The following HDAC7 variants were observed in gnomAD, a reference collection of about 807,000 sequenced individuals.
HDAC7 encodes histone deacetylase 7A.
In HDAC7, 26 loss-of-function variants were observed where a neutral mutation model predicts 115.5. The observed-to-expected ratio is 0.23, with a 90% CI of 0.16 to 0.31. The LOEUF (loss-of-function observed/expected upper bound fraction) is 0.31. Among genes scored for constraint, HDAC7 ranks in the 10% least tolerant of loss-of-function variants. HDAC7 has a pLI of 1.00. For synonymous variants in HDAC7, 564 were observed against 550.9 expected (o/e 1.02, Z -0.33); for missense variants, 1,068 against 1,329.0 (o/e 0.80, Z 3.05).
chr12:47,812,585 T>C (rs775425461), intron 1 of HDAC7, among the ~76,000 whole-genome samples: 1 of 152,172 alleles, frequency 6.6e-6, no homozygotes, highest in Non-Finnish European at 1.5e-5. Context: ...TAATCACACT[T>C]GCAGGAGAAA....
chr12:47,789,498 C>T (rs767018105), intron 18 of HDAC7, 25 bp downstream of exon 18: 2 of 1,612,996 alleles, frequency 1.2e-6, no homozygotes, highest in Non-Finnish European at 1.7e-6. Flanking sequence ...CACCTCATCC[C>T]ACCCAGGTCT....
chr12:47,784,339 C>T lies in HDAC7; in HGVS notation c.2792-122G>A, dbSNP rs934203934. 3 of 1,119,286 alleles carry T rather than the reference C, an allele frequency of 2.7e-6. No individual in the cohort carries two copies. In the African/African-American group the frequency reaches 4.7e-5, roughly 18 times the overall value. The allele number at this position is 1,119,286 out of a possible 1,614,324, so 69.3% of individuals were successfully genotyped here. On this transcript the variant is annotated intron_variant, in intron 24 of 25. Coordinates refer to ENST00000080059, the MANE Select transcript of HDAC7 (RefSeq NM_015401.5). ...GCCCCGGAGGAGCGGGCCTGTCCTC[C>T]ACTTAGGGTCGGCTCTCCCACCTGC...
rs1411303956 is a variant in HDAC7, at chr12:47,795,352, G to A, written c.1116C>T (p.His372=). 1 of 1,609,840 alleles carries A rather than the reference G, an allele frequency of 6.2e-7. No homozygotes were observed. Among genetic ancestry groups the A allele is most frequent in the Non-Finnish European group, 8.5e-7 (1 of 1,178,168 alleles). The change falls in exon 11 of 26, where the codon CAC becomes CAT. Residue 372 remains histidine, a synonymous_variant. Coordinates refer to ENST00000080059, the MANE Select transcript of HDAC7 (RefSeq NM_015401.5). The surrounding 1 kb of genome is among the most constrained non-coding windows in gnomAD (Gnocchi z 4.3). ...TVPGLGPLPF[H]FAQSLMTTER... ...CGGTGGTCATTAAGGACTGGGCAAA[G>A]TGGAAGGGCAAGGGCCCAAGCCCGG... is the stretch of plus-strand genomic sequence containing the variant.
chr12:47,808,046 C>G (rs1353415186), intron 1 of HDAC7, among the ~76,000 whole-genome samples: 3 of 152,224 alleles, frequency 2.0e-5, no homozygotes, highest in Admixed American at 6.5e-5. Context: ...GTCTGCCTAC[C>G]CAGACGAAGG....
At position 47,786,718 on chromosome 12, in the gene HDAC7, G is replaced by C; in HGVS notation, c.2454-15C>G. ...TCACGACTATCCTGTGAGGTCACAA[G>C]AAGTGGCGATCATCGTACTGTGCAG... On this transcript the variant is annotated splice_polypyrimidine_tract_variant and intron_variant, in intron 21 of 25. Coordinates refer to ENST00000080059, the MANE Select transcript of HDAC7 (RefSeq NM_015401.5). 6.2e-7 allele frequency: 1 copy of C among 1,601,640 alleles called. No homozygotes were observed.
rs577940679 is a variant in HDAC7 at position 47,791,853 on chromosome 12, C to T, written c.1812+18G>A. The T allele has an allele frequency of 5.0e-6, 8 of 1,609,138 alleles. No individual in the cohort carries two copies. The South Asian group carries it at 7.7e-5, about 16-fold the overall frequency. ...CCTCCCTCCACCCATTCCTCGGGCC[C>T]CACCCGCGCCTCCTCACCTCACACT... On this transcript the variant is annotated intron_variant, in intron 14 of 25. Coordinates refer to ENST00000080059, the MANE Select transcript of HDAC7 (RefSeq NM_015401.5).
intron 20 of HDAC7, 91 bp from the exon 21 acceptor site, chr12:47,787,900 G>A: frequency 6.6e-7 from 1 of 1,521,076 alleles, no homozygotes; most frequent in Non-Finnish European, 9.0e-7. Flanking sequence ...AGCTCATCCA[G>A]CCTCCCCATT....
Position 47,797,108 on chromosome 12 carries a change from G to C in HDAC7, c.612C>G (p.Pro204=). 1 of 1,607,572 alleles carries C rather than the reference G, an allele frequency of 6.2e-7. No individual in the cohort carries two copies. The highest frequency in any genetic ancestry group is 2.2e-5 in the East Asian group (1 of 44,742). ...SEPNLKLRYK[P]KKSLERRKNP... ...TCTTCCTCCGCTCCAGGGACTTCTT[G>C]GGCTTATAGCGCAGCTTCAGGTTGG... Residue 204 remains proline (P), a synonymous_variant, in exon 7 of 26, where the codon CCC becomes CCG. Coordinates refer to ENST00000080059, the MANE Select transcript of HDAC7 (RefSeq NM_015401.5). The surrounding 1 kb of genome is among the most constrained non-coding windows in gnomAD (Gnocchi z 5.5).
rs1427953652 is a variant in HDAC7, at chr12:47,797,000, G to T, written c.703+17C>A. 1 of 1,528,792 alleles carries T rather than the reference G, an allele frequency of 6.5e-7. No individual in the cohort carries two copies. Among genetic ancestry groups the T allele is most frequent in the South Asian group, 1.3e-5 (1 of 77,400 alleles). The allele number at this position is 1,528,792 out of a possible 1,614,324, so 94.7% of individuals were successfully genotyped here. ...AGGTTTGAGGATGGCAACCGCACTGGCTCAGCCGGCCCTCACCTCCGAGGG... is the reference window on the plus strand; with the variant it reads ...AGGTTTGAGGATGGCAACCGCACTGTCTCAGCCGGCCCTCACCTCCGAGGG... On this transcript the variant is annotated intron_variant, in intron 7 of 25. Transcript: ENST00000080059.
intron 12 of HDAC7, among the ~76,000 whole-genome samples, chr12:47,794,165 G>A (rs1424484668): frequency 6.6e-6 from 1 of 152,188 alleles, no homozygotes; most frequent in African/African-American, 2.4e-5. Flanking sequence ...TGAAGCCACA[G>A]GAAGAAGATG....
At chr12:47,814,946 T>C (rs117903908) in intron 1 of HDAC7, among the ~76,000 whole-genome samples, 1 of 152,380 alleles carries the variant, frequency 6.6e-6, no homozygotes, top group Non-Finnish European at 1.5e-5. Flanking sequence ...TAGTCACACA[T>C]ACTCATTCCT....
At chr12:47,819,570 G>C (rs1217448908) in intron 1 of HDAC7, among the ~76,000 whole-genome samples, 197 bp downstream of exon 1, 1 of 151,632 alleles carries the variant, frequency 6.6e-6, no homozygotes, top group Non-Finnish European at 1.5e-5. Flanking sequence ...CTCCGACCCG[G>C]AGCCTGCCAG....
chr12:47,795,679 C>A lies in HDAC7; in HGVS notation c.995G>T (p.Gly332Val). 1 of 1,551,920 alleles carries A rather than the reference C, an allele frequency of 6.4e-7. No individual in the cohort carries two copies. Among genetic ancestry groups the A allele is most frequent in the Non-Finnish European group, 8.7e-7 (1 of 1,147,332 alleles). The change falls in exon 10 of 26, where the codon GGC (glycine) becomes GTC (valine). Residue 332 changes from glycine (G) to valine (V), a missense_variant. Coordinates refer to ENST00000080059, the MANE Select transcript of HDAC7 (RefSeq NM_015401.5). This position sits in a 1 kb window ranked among gnomAD's most constrained non-coding sequence, Gnocchi z 4.3. The stretch of plus-strand genomic sequence containing the variant: ...GGTGCCCCCAGCCTCGGGCTCCAAG[C>A]CATGGGGCAGGAAGAGGGGAGTGTG... The part of the protein sequence containing the change: ...SPHTPLFLPH[G>V]LEPEAGGTLP...
rs891287788 is a variant in HDAC7 at position 47,783,686 on chromosome 12, C to T, written c.*155G>A. 2.6e-6 allele frequency: 2 copies of T among 774,608 alleles called. No homozygotes were observed. The highest frequency in any genetic ancestry group is 4.4e-6 in the Non-Finnish European group (2 of 455,690). 48.0% of individuals were successfully genotyped at this position (774,608 alleles called of 1,614,324 possible). A position where few individuals can be genotyped will look rare whatever the true frequency, so the allele number is the denominator to read the frequency against. On this transcript the variant is annotated 3_prime_UTR_variant, in exon 26 of 26. Transcript: ENST00000080059. ...TTCTAGACCCAGGGATTTTCTCACG[C>T]TCCCTGGGATAACTGTCAAAGCAGG...
chr12:47,794,633 T>C (rs1358869482), intron 12 of HDAC7, 127 bp downstream of exon 12: 8 of 923,744 alleles, frequency 8.7e-6, no homozygotes, highest in East Asian at 6.0e-5. Flanking sequence ...CAGGATCTTA[T>C]AGGGCAACCA....
chr12:47,814,294 C>T lies in HDAC7; in HGVS notation c.19+5473G>A, dbSNP rs188783959. Among the ~76,000 whole-genome samples the T allele has an allele frequency of 7.5e-4, 114 of 152,354 alleles. 1 individual carries two copies. The highest frequency in any genetic ancestry group is 2.6e-3 in the African/African-American group (108 of 41,582). On this transcript the variant is annotated intron_variant, in intron 1 of 25. Coordinates refer to ENST00000080059, the MANE Select transcript of HDAC7 (RefSeq NM_015401.5). ...CCCAGCCTTCCTTTCTGGTTCTGTC[C>T]TCTCTTCCAGGGCCCAGGTCCCCTC...
At position 47,783,909 on chromosome 12, in the gene HDAC7, G is replaced by A. The variant is rs573167381; in HGVS notation, c.2931-23C>T. The A allele has an allele frequency of 5.0e-5, 81 of 1,612,932 alleles. No homozygotes were observed. The Admixed American group carries it at 6.2e-4, about 12-fold the overall frequency. On this transcript the variant is annotated intron_variant, in intron 25 of 25. Coordinates refer to ENST00000080059, the MANE Select transcript of HDAC7 (RefSeq NM_015401.5). ...GGCCTGTGGGGAGGGACAAGGGTGG[G>A]ATGCTGGAGCACCAGGGCTGCAGCA...
At chr12:47,799,213 G>C in intron 2 of HDAC7, 1 of 453,388 alleles carries the variant, frequency 2.2e-6, no homozygotes, top group Non-Finnish European at 3.9e-6. Context: ...GGTGGTGTTT[G>C]AACGGAGTCT....
rs749468540 is a variant in HDAC7, at chr12:47,791,942, G to A, written c.1741C>T (p.Pro581Ser). 6.2e-7 allele frequency: 1 copy of A among 1,610,900 alleles called. No homozygotes were observed. Among genetic ancestry groups the A allele is most frequent in the Non-Finnish European group, 8.5e-7 (1 of 1,179,220 alleles). The change falls in exon 14 of 26, where the codon CCG becomes TCG. Residue 581 changes from proline (P) to serine (S), a missense_variant. Pro to Ser is a moderately conservative substitution (Grantham distance 74). Around this residue, in one of 6 missense-constraint regions of HDAC7, gnomAD observed 618 missense variants for 701.5 expected, o/e 0.88. Coordinates refer to ENST00000080059, the MANE Select transcript of HDAC7 (RefSeq NM_015401.5). The stretch of plus-strand genomic sequence containing the variant: ...CTCTGGATGCGGCCGGCGTGCTCCG[G>A]GTGCCTGCTGTTGTCACCGCAGGAG... ...QCSCGDNSRH[P>S]EHAGRIQSIW...
Sources: allele counts gnomAD v4.1 joint callset (sites outside exome capture counted in the v4.1 genomes callset), GRCh38; gene constraint gnomAD v4.1.1; regional missense constraint gnomAD v4.1.1; non-coding constraint Gnocchi (gnomAD v3.1); transcripts MANE v1.5; gene names NCBI Gene and HGNC (gene_info 2026-07-23, HGNC 2026-07-21).